Variants in TMC7 observed in about 807,000 individuals in gnomAD.
TMC7 encodes the protein transmembrane channel-like protein 7.
A neutral mutation model predicts 82.9 loss-of-function variants in TMC7; 54 were observed. That is an observed-to-expected ratio of 0.65 (90% confidence interval 0.52 to 0.82). TMC7 has a LOEUF of 0.82. Ranked by LOEUF, TMC7 falls within the 40% of genes least tolerant of loss-of-function variation. The pLI is 0.00. For synonymous variants in TMC7, 350 were observed against 337.9 expected (o/e 1.04, Z -0.39); for missense variants, 820 against 901.2 (o/e 0.91, Z 1.15).
intron 1 of TMC7, among the ~76,000 whole-genome samples, chr16:18,996,447 C>T (rs890070003): frequency 2.1e-4 from 32 of 152,002 alleles, no homozygotes; most frequent in African/African-American, 1.4e-4. Context: ...GCCCATTTTT[C>T]GACAAAAACT....
chr16:19,005,212 C>T (rs2039217590), intron 1 of TMC7, among the ~76,000 whole-genome samples: 2 of 151,950 alleles, frequency 1.3e-5, no homozygotes. Context: ...CTTCAGCCTC[C>T]CAAGTTAGCT....
intron 1 of TMC7, among the ~76,000 whole-genome samples, chr16:18,993,523 G>A (rs2038986860): frequency 6.6e-6 from 1 of 152,124 alleles, no homozygotes; most frequent in Non-Finnish European, 1.5e-5. Flanking sequence ...GGAGAAAAAC[G>A]GGCCATGAGG....
At chr16:19,005,290 C>T (rs1043058001) in intron 1 of TMC7, among the ~76,000 whole-genome samples, 1 of 152,000 alleles carries the variant, frequency 6.6e-6, no homozygotes, top group African/African-American at 2.4e-5. Flanking sequence ...GGGGTTTCAC[C>T]ATGTTAGCAG....
intron 7 of TMC7, among the ~76,000 whole-genome samples, chr16:19,037,604 C>T (rs951565504): frequency 9.9e-5 from 15 of 151,486 alleles, no homozygotes; most frequent in Admixed American, 1.3e-4. Context: ...CGAGTAGCAG[C>T]GACTACAGGC....
rs115574924 is a variant in TMC7 at position 19,021,534 on chromosome 16, G to A, written c.461-95G>A. The A allele has an allele frequency of 1.9e-4, 261 of 1,350,834 alleles. 3 individuals carry two copies. In the African/African-American group the frequency reaches 3.3e-3, roughly 17 times the overall value. The allele number at this position is 1,350,834 out of a possible 1,614,324, so 83.7% of individuals were successfully genotyped here. A position where few individuals can be genotyped will look rare whatever the true frequency, so the allele number is the denominator to read the frequency against. On this transcript the variant is annotated intron_variant, in intron 3 of 15. Coordinates refer to ENST00000304381, the MANE Select transcript of TMC7 (RefSeq NM_024847.4). The stretch of plus-strand genomic sequence containing the variant: ...ACGTTTCTTCCTCCTTCCAGCTACT[G>A]ATTCCTCCAGCTTCAGCTTTTGTGG...
chr16:19,040,311 G>A lies in TMC7; in HGVS notation c.1202G>A (p.Gly401Glu), dbSNP rs775850366. 4.6e-5 allele frequency: 74 copies of A among 1,613,184 alleles called. No individual in the cohort carries two copies. The East Asian group carries it at 5.6e-4, about 12-fold the overall frequency. The change falls in exon 9 of 16, where the codon GGA (glycine) becomes GAA (glutamate). Residue 401 changes from glycine to glutamate, a missense_variant. By Grantham distance (98) the Gly-to-Glu change is moderately conservative. Coordinates refer to ENST00000304381, the MANE Select transcript of TMC7 (RefSeq NM_024847.4). Reference protein sequence around the residue: ...MKKEIDKMVFGENLFILYLPS... With the variant: ...MKKEIDKMVFEENLFILYLPS... ...TAGGAAATCGACAAGATGGTTTTTG[G>A]AGAGAACCTCTTCATATTGTATCTA...
intron 1 of TMC7, among the ~76,000 whole-genome samples, chr16:19,003,841 G>C (rs368279774): frequency 0.059 from 5,944 of 99,966 alleles, 270 homozygotes; most frequent in South Asian, 0.12. Flanking sequence ...CAGCATGCTC[G>C]TTAAGAGTCA....
chr16:19,013,927 C>CA (rs1320426145), intron 2 of TMC7, among the ~76,000 whole-genome samples: 1 of 138,476 alleles, frequency 7.2e-6, no homozygotes, highest in Non-Finnish European at 1.5e-5. Context: ...CATCTTGGGT[C>CA]ACTGCAAGCT....
chr16:18,988,095 A>G (rs1344450260), intron 1 of TMC7, among the ~76,000 whole-genome samples: 3 of 151,362 alleles, frequency 2.0e-5, no homozygotes, highest in African/African-American at 7.3e-5. Context: ...TGGCCTCCCA[A>G]AGTGCTGGGA....
chr16:18,987,389 C>G (rs1384631372), intron 1 of TMC7, among the ~76,000 whole-genome samples: 2 of 152,242 alleles, frequency 1.3e-5, no homozygotes, highest in East Asian at 1.9e-4. Context: ...CGGCTCACCA[C>G]AACCTCTGCC....
chr16:18,985,645 A>C (rs1048795598), intron 1 of TMC7, among the ~76,000 whole-genome samples: 8 of 151,166 alleles, frequency 5.3e-5, no homozygotes, highest in Non-Finnish European at 1.2e-4. Context: ...TTTCAGGAGG[A>C]CTATAATTGG....
intron 3 of TMC7, among the ~76,000 whole-genome samples, chr16:19,019,002 C>A (rs1418983960): frequency 6.6e-6 from 1 of 152,180 alleles, no homozygotes; most frequent in African/African-American, 2.4e-5. Context: ...AGGCACGTGC[C>A]ACCAGGCCGG....
intron 11 of TMC7, among the ~76,000 whole-genome samples, chr16:19,046,127 A>C (rs1961263775): frequency 6.6e-6 from 1 of 152,164 alleles, no homozygotes. Flanking sequence ...GTCGCTTTCC[A>C]TGAGGTTTTG....
intron 2 of TMC7, among the ~76,000 whole-genome samples, chr16:19,014,872 A>G (rs1414016409): frequency 6.6e-6 from 1 of 152,192 alleles, no homozygotes. Context: ...AGGAATATTT[A>G]TGGACACTGA....
chr16:18,984,110 G>A lies in TMC7; in HGVS notation c.47G>A (p.Arg16Gln), dbSNP rs777003939. ...GSALQPGRPS[R>Q]QPAVHPENLS... is the part of the protein sequence containing the mutation. ...GCGCTCCAGCCCGGCAGGCCCAGCC[G>A]GCAGCCGGCGGTCCATCCAGGTAGG... Residue 16 changes from arginine to glutamine, a missense_variant, in exon 1 of 16, where the codon CGG becomes CAG. Around this residue, in one of 2 missense-constraint regions of TMC7, gnomAD observed 650 missense variants for 669.9 expected, o/e 0.97. Coordinates refer to ENST00000304381, the MANE Select transcript of TMC7 (RefSeq NM_024847.4). 2.7e-4 allele frequency: 408 copies of A among 1,502,834 alleles called. 1 individual carries two copies. The highest frequency in any genetic ancestry group is 3.4e-4 in the Admixed American group (16 of 47,466). The allele number at this position is 1,502,834 out of a possible 1,614,324, so 93.1% of individuals were successfully genotyped here. A position where few individuals can be genotyped will look rare whatever the true frequency, so the allele number is the denominator to read the frequency against.
rs1444546202 is a variant in TMC7, at chr16:18,984,058, G to A, written c.-6G>A. The A allele has an allele frequency of 2.0e-6, 3 of 1,479,542 alleles. No homozygotes were observed. The highest frequency in any genetic ancestry group is 2.7e-6 in the Non-Finnish European group (3 of 1,122,740). 91.7% of individuals were successfully genotyped at this position (1,479,542 alleles called of 1,614,324 possible). A position where few individuals can be genotyped will look rare whatever the true frequency, so the allele number is the denominator to read the frequency against. On this transcript the variant is annotated 5_prime_UTR_variant, in exon 1 of 16. Coordinates refer to ENST00000304381, the MANE Select transcript of TMC7 (RefSeq NM_024847.4). ...CGGCAGCCTCTGAGGAGCGCGGGGC[G>A]CGGCCATGAGCGAGTCCAGCGGCAG...
intron 10 of TMC7, 122 bp from the exon 11 acceptor site, chr16:19,045,219 T>G (rs1385571936): frequency 1.1e-6 from 1 of 892,220 alleles, no homozygotes; most frequent in Non-Finnish European, 1.8e-6. Flanking sequence ...TTGCATCAGC[T>G]GATGCCCTCA....
chr16:19,012,608 G>A (rs1959423605), intron 2 of TMC7, among the ~76,000 whole-genome samples: 1 of 151,654 alleles, frequency 6.6e-6, no homozygotes, highest in South Asian at 2.1e-4. Context: ...GGCCAACATG[G>A]TGAAACCTCA....
intron 5 of TMC7, among the ~76,000 whole-genome samples, chr16:19,029,773 C>G (rs528125837): frequency 1.2e-4 from 18 of 151,758 alleles, no homozygotes; most frequent in Admixed American, 5.9e-4. Flanking sequence ...CTCTGCCTCC[C>G]GGGTTCAAGT....
Sources: gnomAD v4.1 joint callset for allele counts (sites outside exome capture counted in the v4.1 genomes callset) on GRCh38, gnomAD v4.1.1 for gene constraint, gnomAD v4.1.1 regional missense constraint, MANE v1.5 for transcripts, NCBI Gene and HGNC (gene_info 2026-07-23, HGNC 2026-07-21) for gene names.